The following TRPC4AP variants were observed in gnomAD, a reference collection of about 807,000 sequenced individuals.
The protein encoded by TRPC4AP is transient receptor potential cation channel subfamily C member 4 associated protein, also known as short transient receptor potential channel 4-associated protein.
Under a neutral mutation model 99.0 loss-of-function variants are expected in TRPC4AP, and 45 were observed. The ratio of observed to expected loss-of-function variants is 0.45; its 90% confidence interval spans 0.36 to 0.58. The LOEUF (loss-of-function observed/expected upper bound fraction) is 0.58, where lower values mean the gene tolerates loss of function less well. Ranked by LOEUF, TRPC4AP falls within the 20% of genes least tolerant of loss-of-function variation. The probability of loss-of-function intolerance (pLI) is 0.00; values close to 1 mark genes in which losing one functional copy is unlikely to be tolerated. For synonymous variants in TRPC4AP, 408 were observed against 385.8 expected, an observed-to-expected ratio of 1.06 and a Z score of -0.67; for missense variants, 879 against 985.3, an observed-to-expected ratio of 0.89 and a Z score of 1.44.
At chr20:35,059,776 AAAG>A (rs1569131842) in intron 3 of TRPC4AP, among the ~76,000 whole-genome samples, 292 of 149,938 alleles carry the variant, frequency 1.9e-3, no homozygotes, top group African/African-American at 7.1e-3. Flanking sequence ...CGACGAAGAC[AAAG>A]AAGATGAAGA....
chr20:35,092,209 G>A (rs912958096), intron 1 of TRPC4AP, among the ~76,000 whole-genome samples: 8 of 151,982 alleles, frequency 5.3e-5, no homozygotes, highest in Non-Finnish European at 1.2e-4. Context: ...TTTATGAAAT[G>A]CTCGGGAACC....
intron 3 of TRPC4AP, among the ~76,000 whole-genome samples, chr20:35,064,793 C>G (rs1412228390): frequency 6.6e-6 from 1 of 152,228 alleles, no homozygotes; most frequent in Middle Eastern, 3.2e-3. Context: ...CTGTTTTCAT[C>G]ATGAATTTTC....
intron 1 of TRPC4AP, among the ~76,000 whole-genome samples, chr20:35,086,533 G>GTATATGTATA (rs1308760481): frequency 1.4e-5 from 1 of 73,474 alleles, no homozygotes; most frequent in Non-Finnish European, 2.5e-5. Context: ...ATATGTGTGT[G>GTATATGTATA]TGTGTGTGTG....
At chr20:35,039,464 T>C (rs928013033) in intron 7 of TRPC4AP, among the ~76,000 whole-genome samples, 2 of 152,234 alleles carry the variant, frequency 1.3e-5, no homozygotes, top group African/African-American at 2.4e-5. Flanking sequence ...ATCCAGTCCT[T>C]GTAATTCTCA....
chr20:35,061,235 C>T (rs2145972638), intron 3 of TRPC4AP, among the ~76,000 whole-genome samples: 1 of 152,126 alleles, frequency 6.6e-6, no homozygotes, highest in Admixed American at 6.5e-5. Flanking sequence ...GAAAACAATT[C>T]CATTTAAAGG....
At chr20:35,086,250 C>T (rs918856693) in intron 1 of TRPC4AP, among the ~76,000 whole-genome samples, 1 of 152,034 alleles carries the variant, frequency 6.6e-6, no homozygotes, top group Non-Finnish European at 1.5e-5. Flanking sequence ...TGAGCCACCG[C>T]ACCCAGCCTA....
intron 10 of TRPC4AP, among the ~76,000 whole-genome samples, chr20:35,014,814 C>G (rs1002941681): frequency 6.6e-6 from 1 of 152,120 alleles, no homozygotes; most frequent in Non-Finnish European, 1.5e-5. Flanking sequence ...GGCAGGGTGC[C>G]GACTAGCCGG....
chr20:35,092,410 G>A (rs1477583709), intron 1 of TRPC4AP, among the ~76,000 whole-genome samples: 1 of 152,182 alleles, frequency 6.6e-6, no homozygotes, highest in Admixed American at 6.5e-5. Context: ...AGCCCCGCTC[G>A]GCCCCTGACA....
intron 9 of TRPC4AP, 146 bp from the exon 10 acceptor site, chr20:35,016,285 G>A (rs1368376354): frequency 3.3e-6 from 3 of 917,450 alleles, no homozygotes; most frequent in African/African-American, 1.7e-5. Flanking sequence ...GAAAACATCC[G>A]TGTATCCCCT....
intron 3 of TRPC4AP, among the ~76,000 whole-genome samples, chr20:35,059,758 G>A (rs11905797): frequency 0.031 from 4,653 of 148,084 alleles, 238 homozygotes; most frequent in African/African-American, 0.11. Flanking sequence ...AGAAGAAGAC[G>A]AAGAAGACGA....
intron 6 of TRPC4AP, 32 bp downstream of exon 6, chr20:35,049,834 C>A: frequency 6.3e-7 from 1 of 1,593,222 alleles, no homozygotes; most frequent in Non-Finnish European, 8.6e-7. Flanking sequence ...AGACACCCTT[C>A]CCCATCTGGT....
intron 13 of TRPC4AP, 80 bp from the exon 14 acceptor site, chr20:35,007,720 G>A: frequency 2.1e-6 from 3 of 1,434,928 alleles, no homozygotes; most frequent in South Asian, 1.2e-5. Flanking sequence ...GTTGGGAGAT[G>A]TTTGTTGCCT....
chr20:35,019,480 CCT>C (rs1481404168), intron 9 of TRPC4AP, among the ~76,000 whole-genome samples: 3 of 152,166 alleles, frequency 2.0e-5, no homozygotes, highest in East Asian at 1.9e-4. Flanking sequence ...AGGCCTGTCC[CCT>C]GAGCGCACAG....
Position 35,030,670 on chromosome 20 carries a change from G to A in TRPC4AP, c.1051+4453C>T, listed in dbSNP as rs190213238. On this transcript the variant is annotated intron_variant, in intron 8 of 18. Coordinates refer to ENST00000252015, the MANE Select transcript of TRPC4AP (RefSeq NM_015638.3). Reference sequence around the variant, plus strand: ...TTCCTAGGGATTCAAGTTGCAATTTGGTGTCATGATACTCCATTACAACTT... The same window carrying A: ...TTCCTAGGGATTCAAGTTGCAATTTAGTGTCATGATACTCCATTACAACTT... Among the ~76,000 whole-genome samples the A allele has an allele frequency of 4.6e-5, 7 of 152,226 alleles. No homozygotes were observed. In the East Asian group the frequency reaches 5.8e-4, roughly 13 times the overall value.
chr20:35,057,531 C>T lies in TRPC4AP; in HGVS notation c.455G>A (p.Arg152Gln), dbSNP rs747313466. Residue 152 changes from arginine to glutamine, a missense_variant, in exon 4 of 19, where the codon CGG (arginine) becomes CAG (glutamine). Transcript: ENST00000252015. ...ATACTTACTTTTCAGTTTCTGTCCC[C>T]GGATAGAGATCGTAGGCCTCATAAG... ...EILMRPTISI[R>Q]GQKLKISDEM... 4.3e-6 allele frequency: 7 copies of T among 1,611,656 alleles called. No homozygotes were observed. Among genetic ancestry groups the T allele is most frequent in the African/African-American group, 2.7e-5 (2 of 74,700 alleles).
At chr20:35,078,263 AC>A in intron 1 of TRPC4AP, 89 bp from the exon 2 acceptor site, 1 of 1,398,246 alleles carries the variant, frequency 7.2e-7, no homozygotes, top group Admixed American at 2.1e-5. Flanking sequence ...TTCCAAACCC[AC>A]CCAGGACAGT....
At chr20:35,003,348 C>CCCCTCTGAGAGGCCCTGGGTCCGCG (rs1229528058) in intron 18 of TRPC4AP, 62 bp downstream of exon 18, 4 of 1,612,986 alleles carry the variant, frequency 2.5e-6, no homozygotes, top group Non-Finnish European at 3.4e-6. Flanking sequence ...CACCGGGACA[C>CCCCTCTGAGAGGCCCTGGGTCCGCG]CCCTCTGAGA....
rs888855550 is a variant in TRPC4AP at position 35,050,724 on chromosome 20, C to A, written c.529-730G>T. On this transcript the variant is annotated intron_variant, in intron 5 of 18. Transcript: ENST00000252015. ...GGAGACCCTAACTCAAAAAAAAAAA[C>A]AAAACAAAAAAACCAACAACAACAA... is the stretch of plus-strand genomic sequence containing the variant. Among the ~76,000 whole-genome samples, 46 of 133,600 alleles carry A rather than the reference C, an allele frequency of 3.4e-4. No individual in the cohort carries two copies. The South Asian group carries it at 6.2e-3, about 18-fold the overall frequency. The allele number at this position is 133,600 out of a possible 152,430, so 87.6% of individuals were successfully genotyped here.
chr20:35,035,846 A>C (rs752032750), intron 7 of TRPC4AP, among the ~76,000 whole-genome samples: 5 of 152,104 alleles, frequency 3.3e-5, no homozygotes, highest in Non-Finnish European at 5.9e-5. Context: ...TTATTAAACA[A>C]TATGAATTTA....
Sources: allele counts gnomAD v4.1 joint callset (sites outside exome capture counted in the v4.1 genomes callset), GRCh38; gene constraint gnomAD v4.1.1; transcripts MANE v1.5; gene names NCBI Gene and HGNC (gene_info 2026-07-23, HGNC 2026-07-21).